CEP85L: variants seen among roughly 807,000 people sequenced by gnomAD.
CEP85L encodes centrosomal protein 85L, also known as centrosomal protein of 85 kDa-like.
Under a neutral mutation model 100.3 loss-of-function variants are expected in CEP85L, and 60 were observed. The ratio of observed to expected loss-of-function variants is 0.60; its 90% CI spans 0.49 to 0.74. The LOEUF (loss-of-function observed/expected upper bound fraction) is 0.74, where lower values mean the gene tolerates loss of function less well. Ranked by LOEUF, CEP85L falls within the 30% of genes least tolerant of loss-of-function variation. The probability of loss-of-function intolerance (pLI) is 0.00; values close to 1 mark genes in which losing one functional copy is unlikely to be tolerated. For synonymous variants in CEP85L, 319 were observed against 322.7 expected (o/e 0.99, Z 0.12); for missense variants, 973 against 936.2 (o/e 1.04, Z -0.51).
intron 3 of CEP85L, among the ~76,000 whole-genome samples, chr6:118,563,640 G>C (rs1426285221): frequency 1.3e-5 from 2 of 151,984 alleles, no homozygotes; most frequent in Non-Finnish European, 2.9e-5. Flanking sequence ...TTTTAGAGAC[G>C]GGGTCTGGCC....
intron 1 of CEP85L, among the ~76,000 whole-genome samples, chr6:118,687,731 C>T (rs1036778589): frequency 6.6e-6 from 1 of 152,158 alleles, no homozygotes; most frequent in Non-Finnish European, 1.5e-5. Context: ...TTTGTTACAG[C>T]TCGAGCTGAG....
chr6:118,633,807 A>G (rs887610360), intron 1 of CEP85L, among the ~76,000 whole-genome samples: 1 of 152,252 alleles, frequency 6.6e-6, no homozygotes, highest in Admixed American at 6.5e-5. Context: ...TAGAAGCACA[A>G]ATCTTTACTA....
chr6:118,482,845 AAC>A (rs1462057065), intron 7 of CEP85L, among the ~76,000 whole-genome samples: 6 of 151,772 alleles, frequency 4.0e-5, no homozygotes, highest in African/African-American at 1.5e-4. Flanking sequence ...ATGTAAAATA[AAC>A]AGAGAATGCA....
chr6:118,614,949 T>G (rs1772929745), intron 2 of CEP85L, among the ~76,000 whole-genome samples: 1 of 152,246 alleles, frequency 6.6e-6, no homozygotes, highest in Non-Finnish European at 1.5e-5. Flanking sequence ...ATAAATGTAT[T>G]TCTAAACTTA....
chr6:118,668,872 G>A (rs956976745), intron 1 of CEP85L, among the ~76,000 whole-genome samples: 2 of 152,114 alleles, frequency 1.3e-5, no homozygotes, highest in Non-Finnish European at 2.9e-5. Context: ...TGTTTATTAA[G>A]TGTGGTCAGA....
chr6:118,503,973 A>G (rs527990533), intron 5 of CEP85L, among the ~76,000 whole-genome samples: 2 of 152,190 alleles, frequency 1.3e-5, no homozygotes, highest in East Asian at 3.8e-4. Context: ...CCCTCCAAAA[A>G]ACAATGGCAG....
intron 3 of CEP85L, among the ~76,000 whole-genome samples, chr6:118,533,024 G>A (rs1777379219): frequency 6.6e-6 from 1 of 152,022 alleles, no homozygotes; most frequent in African/African-American, 2.4e-5. Context: ...GAAATTTACA[G>A]CACTAAGCAG....
chr6:118,605,936 C>G lies in CEP85L; in HGVS notation c.232+26517G>C, dbSNP rs548739350. Among the ~76,000 whole-genome samples the G allele has an allele frequency of 4.6e-5, 7 of 151,718 alleles. No homozygotes were observed. The East Asian group carries it at 1.4e-3, about 29-fold the overall frequency. On this transcript the variant is annotated intron_variant, in intron 2 of 12. Coordinates refer to ENST00000368491, the MANE Select transcript of CEP85L (RefSeq NM_001042475.3). ...GGCTGAGGCAGGAGAATCGCTTGAACCCGGGAGGCAGAGGTTGCGGTGAGC... is the reference window on the plus strand; with the variant it reads ...GGCTGAGGCAGGAGAATCGCTTGAAGCCGGGAGGCAGAGGTTGCGGTGAGC...
At chr6:118,691,304 G>C (rs1262118573) in intron 1 of CEP85L, among the ~76,000 whole-genome samples, 1 of 151,458 alleles carries the variant, frequency 6.6e-6, no homozygotes, top group African/African-American at 2.4e-5. Flanking sequence ...AGGCCAAGGC[G>C]GGCGGATCAC....
In CEP85L at chr6:118,463,307, A is replaced by C. The variant is rs1430507635; in HGVS notation, c.*2098T>G. The C allele has an allele frequency of 6.6e-6, 1 of 152,008 alleles. No homozygotes were observed. Among genetic ancestry groups the C allele is most frequent in the Non-Finnish European group, 1.5e-5 (1 of 67,904 alleles). The allele number at this position is 152,008 out of a possible 1,614,324, so 9.4% of individuals were successfully genotyped here. A position where few individuals can be genotyped will look rare whatever the true frequency, so the allele number is the denominator to read the frequency against. ...CCAAAACATACACTAAAAATCTAGGAGAGATATTTAAGTAAGAACCTACTG... is the reference window on the plus strand; with the variant it reads ...CCAAAACATACACTAAAAATCTAGGCGAGATATTTAAGTAAGAACCTACTG... On this transcript the variant is annotated 3_prime_UTR_variant, in exon 13 of 13. Transcript: ENST00000368491.
intron 1 of CEP85L, among the ~76,000 whole-genome samples, chr6:118,701,434 T>C (rs562616845): frequency 2.0e-5 from 3 of 152,328 alleles, no homozygotes; most frequent in African/African-American, 7.2e-5. Flanking sequence ...CACGGAGTAC[T>C]ACACAGCCAT....
chr6:118,583,768 G>C (rs944256666), intron 2 of CEP85L, among the ~76,000 whole-genome samples: 1 of 152,144 alleles, frequency 6.6e-6, no homozygotes, highest in Non-Finnish European at 1.5e-5. Flanking sequence ...AATAGCCCCT[G>C]CAACACCCCA....
chr6:118,606,757 C>T (rs990077863), intron 2 of CEP85L, among the ~76,000 whole-genome samples: 2 of 152,160 alleles, frequency 1.3e-5, no homozygotes, highest in Non-Finnish European at 2.9e-5. Flanking sequence ...GTTCTAAGCC[C>T]GTGTTTTATC....
chr6:118,492,736 C>T (rs534411638), intron 5 of CEP85L, among the ~76,000 whole-genome samples: 76 of 152,236 alleles, frequency 5.0e-4, no homozygotes, highest in Non-Finnish European at 9.6e-4. Flanking sequence ...GGGGATTCTA[C>T]AGTTAATAAA....
At chr6:118,546,004 T>G (rs1208065123) in intron 3 of CEP85L, among the ~76,000 whole-genome samples, 1 of 150,936 alleles carries the variant, frequency 6.6e-6, no homozygotes, top group Non-Finnish European at 1.5e-5. Flanking sequence ...CTCAAAAAAA[T>G]TTTCTAGCCT....
intron 1 of CEP85L, among the ~76,000 whole-genome samples, chr6:118,648,116 T>C (rs1775319823): frequency 6.6e-6 from 1 of 152,082 alleles, no homozygotes; most frequent in Non-Finnish European, 1.5e-5. Flanking sequence ...TAGCTGGGTG[T>C]GGTGGCACAT....
In CEP85L at chr6:118,539,385, G is replaced by A. The variant is rs149495950; in HGVS notation, c.1021-15465C>T. The stretch of plus-strand genomic sequence containing the variant: ...GGAGCAAATACCATATAGCCTAGGC[G>A]TGTAGTTGTTAGTCGGCTATACCAT... On this transcript the variant is annotated intron_variant, in intron 3 of 12. Coordinates refer to ENST00000368491, the MANE Select transcript of CEP85L (RefSeq NM_001042475.3). Among the ~76,000 whole-genome samples, 111 of 152,236 alleles carry A rather than the reference G, an allele frequency of 7.3e-4. 2 individuals carry two copies. In the East Asian group the frequency reaches 0.014, roughly 20 times the overall value.
chr6:118,518,524 G>A (rs1336609828), intron 4 of CEP85L, among the ~76,000 whole-genome samples: 3 of 152,184 alleles, frequency 2.0e-5, no homozygotes, highest in Non-Finnish European at 2.9e-5. Context: ...GCGTAAAGGT[G>A]TTTATAATAT....
chr6:118,647,522 C>T (rs967156104), intron 1 of CEP85L, among the ~76,000 whole-genome samples: 7 of 152,062 alleles, frequency 4.6e-5, no homozygotes, highest in African/African-American at 1.4e-4. Flanking sequence ...CCACCACGCC[C>T]GGCTAATTTT....
Sources: gnomAD v4.1 joint callset for allele counts (sites outside exome capture counted in the v4.1 genomes callset) on GRCh38, gnomAD v4.1.1 for gene constraint, MANE v1.5 for transcripts, NCBI Gene and HGNC (gene_info 2026-07-23, HGNC 2026-07-21) for gene names.